The following CALN1 variants were observed in gnomAD, a reference collection of about 807,000 sequenced individuals.
CALN1 encodes the protein calcium-binding protein 8.
A neutral mutation model predicts 30.6 loss-of-function variants in CALN1; 17 were observed. The ratio of observed to expected loss-of-function variants is 0.56; its 90% confidence interval spans 0.38 to 0.83. The LOEUF (loss-of-function observed/expected upper bound fraction) is 0.83, where lower values mean the gene tolerates loss of function less well. Ranked by LOEUF, CALN1 falls within the 40% of genes least tolerant of loss-of-function variation. The probability of loss-of-function intolerance (pLI) is 0.00; values close to 1 mark genes in which losing one functional copy is unlikely to be tolerated. For synonymous variants in CALN1, 156 were observed against 131.4 expected, an observed-to-expected ratio of 1.19 and a Z score of -1.28; for missense variants, 291 against 354.9, an observed-to-expected ratio of 0.82 and a Z score of 1.45.
intron 1 of CALN1, among the ~76,000 whole-genome samples, chr7:72,428,675 G>C (rs1807874379): frequency 6.6e-6 from 1 of 152,192 alleles, no homozygotes; most frequent in South Asian, 2.1e-4. Flanking sequence ...AATCAGAAGA[G>C]AGTTTTCAGG....
chr7:71,992,082 A>G (rs1291180829), intron 5 of CALN1, among the ~76,000 whole-genome samples: 1 of 151,904 alleles, frequency 6.6e-6, no homozygotes, highest in Non-Finnish European at 1.5e-5. Flanking sequence ...ATCAGGGAAG[A>G]CCCCTTCTCT....
At chr7:72,470,658 T>C in the CALN1 span, among the ~76,000 whole-genome samples, 1 of 152,168 alleles carries the variant, frequency 6.6e-6, no homozygotes, top group Non-Finnish European at 1.5e-5. Flanking sequence ...TGGTAAAATA[T>C]AAAATTAAAA....
chr7:71,919,408 C>T (rs1794827058), intron 5 of CALN1, among the ~76,000 whole-genome samples: 1 of 152,206 alleles, frequency 6.6e-6, no homozygotes, highest in African/African-American at 2.4e-5. Context: ...TTGATTCGTG[C>T]ATTTCATTCA....
intron 2 of CALN1, among the ~76,000 whole-genome samples, chr7:72,379,488 A>G (rs577967911): frequency 1.3e-5 from 2 of 152,368 alleles, no homozygotes; most frequent in Non-Finnish European, 2.9e-5. Flanking sequence ...AAAGTCACTC[A>G]ACCTCTACAA....
chr7:72,314,376 CATATATACACAT>C (rs1402899569), intron 2 of CALN1, among the ~76,000 whole-genome samples: 3 of 41,940 alleles, frequency 7.2e-5, no homozygotes, highest in Admixed American at 2.3e-4. Flanking sequence ...CATATATACA[CATATATACACAT>C]ATATATACAC....
chr7:72,499,901 CTT>C, the CALN1 span, among the ~76,000 whole-genome samples: 10 of 44,410 alleles, frequency 2.3e-4, no homozygotes, highest in East Asian at 5.7e-4. Context: ...TTCTTTCTTT[CTT>C]TCTTTCTTTC....
In CALN1 at chr7:72,231,736, G is replaced by A. The variant is rs377164094; in HGVS notation, c.244+46950C>T. On this transcript the variant is annotated intron_variant, in intron 3 of 6. Transcript: ENST00000395275. Reference sequence around the variant, plus strand: ...CTAGGTACAGAGCTCAGTGCTATCCGTGATTTCAGGCATCCACTGGGGGTC... The same window carrying A: ...CTAGGTACAGAGCTCAGTGCTATCCATGATTTCAGGCATCCACTGGGGGTC... 2.6e-5 allele frequency among the ~76,000 whole-genome samples: 4 copies of A among 152,154 alleles called. No homozygotes were observed. In the South Asian group the frequency reaches 6.2e-4, roughly 24 times the overall value.
intron 3 of CALN1, among the ~76,000 whole-genome samples, chr7:72,236,423 T>C (rs1470293121): frequency 6.6e-6 from 1 of 152,196 alleles, no homozygotes; most frequent in African/African-American, 2.4e-5. Context: ...TGGTCTCTCA[T>C]CGAGCAAGTT....
chr7:71,981,265 G>T (rs1307046238), intron 5 of CALN1, among the ~76,000 whole-genome samples: 1 of 152,076 alleles, frequency 6.6e-6, no homozygotes, highest in East Asian at 1.9e-4. Context: ...CTGCCCAAAG[G>T]CAGGACTCTA....
At chr7:72,410,368 C>T (rs755483447) in intron 1 of CALN1, among the ~76,000 whole-genome samples, 1 of 152,188 alleles carries the variant, frequency 6.6e-6, no homozygotes, top group Non-Finnish European at 1.5e-5. Flanking sequence ...AAATCTAAAA[C>T]TGCCAATCTA....
intron 2 of CALN1, among the ~76,000 whole-genome samples, chr7:72,304,340 C>T (rs922974030): frequency 6.6e-6 from 1 of 152,188 alleles, no homozygotes; most frequent in African/African-American, 2.4e-5. Context: ...CTCAAAACCA[C>T]ATAAGGTTGG....
chr7:71,882,567 T>C (rs1183012551), intron 5 of CALN1, among the ~76,000 whole-genome samples: 1 of 152,160 alleles, frequency 6.6e-6, no homozygotes, highest in Non-Finnish European at 1.5e-5. Context: ...ATCTTGCAAA[T>C]CCTGGATACA....
rs191870224 is a variant in CALN1 at position 72,004,461 on chromosome 7, A to G, written c.501+19196T>C. Among the ~76,000 whole-genome samples the G allele has an allele frequency of 1.1e-3, 171 of 152,348 alleles. 1 individual carries two copies. The highest frequency in any genetic ancestry group is 2.0e-3 in the Non-Finnish European group (136 of 68,028). On this transcript the variant is annotated intron_variant, in intron 5 of 6. Coordinates refer to ENST00000395275, the MANE Select transcript of CALN1 (RefSeq NM_031468.4). ...AAGAAAAAAATAGGAGAAAATCTTC[A>G]GTATCTAGGGCTAGGCAGAGTTCTT...
At position 72,343,341 on chromosome 7, in the gene CALN1, C is replaced by CT. The variant is rs542152366; in HGVS notation, c.119+59909dup. Among the ~76,000 whole-genome samples, 272 of 152,142 alleles carry CT rather than the reference C, an allele frequency of 1.8e-3. 8 individuals are homozygous for CT. In the South Asian group the frequency reaches 0.051, roughly 29 times the overall value. The stretch of plus-strand genomic sequence containing the variant: ...GCGGGTGGATCACTTGAGGTCAGGA[C>CT]TTTGAGACTAGCCTGGTCAACATGG... On this transcript the variant is annotated intron_variant, in intron 2 of 6. Coordinates refer to ENST00000395275, the MANE Select transcript of CALN1 (RefSeq NM_031468.4).
intron 2 of CALN1, among the ~76,000 whole-genome samples, chr7:72,298,877 G>A (rs1048055583): frequency 1.3e-5 from 2 of 151,556 alleles, no homozygotes; most frequent in African/African-American, 2.4e-5. Context: ...CGCCATCCAC[G>A]TCAAGTCGTG....
Position 71,964,944 on chromosome 7 carries a change from A to T in CALN1, c.501+58713T>A, listed in dbSNP as rs976426146. Among the ~76,000 whole-genome samples, 49 of 152,206 alleles carry T rather than the reference A, an allele frequency of 3.2e-4. 2 individuals carry two copies. Among genetic ancestry groups the T allele is most frequent in the Non-Finnish European group, 1.2e-4 (8 of 68,030 alleles). On this transcript the variant is annotated intron_variant, in intron 5 of 6. Transcript: ENST00000395275. ...GCTGAGCTCACAATCAGCACCTTAA[A>T]AACACTGCCAGACTTTGAGTTAGTA...
At chr7:72,475,473 G>A in the CALN1 span, among the ~76,000 whole-genome samples, 2 of 152,098 alleles carry the variant, frequency 1.3e-5, no homozygotes, top group Non-Finnish European at 2.9e-5. Context: ...AAAAGAAAGT[G>A]AAGTTCAGAG....
chr7:72,390,192 A>G (rs1281548717), intron 2 of CALN1, among the ~76,000 whole-genome samples: 1 of 152,066 alleles, frequency 6.6e-6, no homozygotes, highest in African/African-American at 2.4e-5. Context: ...GCACTTTGGG[A>G]GGCCGAGGCG....
intron 5 of CALN1, among the ~76,000 whole-genome samples, chr7:71,990,479 T>C (rs892102233): frequency 6.6e-6 from 1 of 151,984 alleles, no homozygotes; most frequent in African/African-American, 2.4e-5. Flanking sequence ...TTTTTTTTTT[T>C]CTCCATTCTG....
Sources: allele counts gnomAD v4.1 joint callset (sites outside exome capture counted in the v4.1 genomes callset), GRCh38; gene constraint gnomAD v4.1.1; transcripts MANE v1.5; gene names NCBI Gene and HGNC (gene_info 2026-07-23, HGNC 2026-07-21).